Variants in MYH14 observed in about 807,000 individuals in gnomAD.
MYH14 encodes the protein myosin-14.
A neutral mutation model predicts 255.5 loss-of-function variants in MYH14; 123 were observed. The observed-to-expected ratio is 0.48, with a 90% CI of 0.42 to 0.56. MYH14 has a LOEUF of 0.56. Ranked by LOEUF, MYH14 falls within the 20% of genes least tolerant of loss-of-function variation. The pLI, the probability that MYH14 is intolerant of heterozygous loss-of-function variation, is 0.00. For synonymous variants in MYH14, 1,095 were observed against 1,161.2 expected (o/e 0.94, Z 1.16); for missense variants, 2,423 against 2,802.3 (o/e 0.86, Z 3.06).
chr19:50,207,481 G>C (rs935400944), intron 1 of MYH14, among the ~76,000 whole-genome samples: 25 of 152,138 alleles, frequency 1.6e-4, no homozygotes, highest in Non-Finnish European at 2.5e-4. Context: ...GGTTGCCTCC[G>C]AGATAGCTGG....
chr19:50,248,742 G>A (rs1424365176), intron 12 of MYH14, among the ~76,000 whole-genome samples: 3 of 152,234 alleles, frequency 2.0e-5, no homozygotes, highest in African/African-American at 7.2e-5. Flanking sequence ...AAACTGCTTT[G>A]AGGGGGTGAG....
intron 4 of MYH14, 33 bp from the exon 5 acceptor site, chr19:50,223,214 C>A: frequency 6.2e-7 from 1 of 1,609,948 alleles, no homozygotes; most frequent in South Asian, 1.1e-5. Flanking sequence ...AGGTCATTGC[C>A]AACCCCTTTG....
chr19:50,223,028 G>A, intron 3 of MYH14, 55 bp from the exon 4 acceptor site: 1 of 1,554,672 alleles, frequency 6.4e-7, no homozygotes, highest in Non-Finnish European at 8.9e-7. Flanking sequence ...AGGGACCAGA[G>A]GGCCCTGCTA....
intron 34 of MYH14, 48 bp downstream of exon 34, chr19:50,286,742 C>A: frequency 6.8e-7 from 1 of 1,476,948 alleles, no homozygotes; most frequent in South Asian, 1.2e-5. Context: ...AGGGGAGACA[C>A]GTACATGCAT....
In MYH14 at chr19:50,210,766, T is replaced by C. The variant is rs373972497; in HGVS notation, c.401T>C (p.Ile134Thr). The change falls in exon 2 of 43, where the codon ATC becomes ACC. Residue 134 changes from isoleucine to threonine, a missense_variant. This residue lies in a region of MYH14 where 238 missense variants were observed against 245.8 expected (regional missense o/e 0.97). Transcript: ENST00000642316. ...CGGGAGCGGTACTACTCCGGCCTCA[T>C]CTACGTGAGTGGGCTCCTGCTGGGG... is the stretch of plus-strand genomic sequence containing the variant. ...NLRERYYSGL[I>T]YTYSGLFCVV... 4 of 1,568,228 alleles carry C rather than the reference T, an allele frequency of 2.6e-6. No individual in the cohort carries two copies. The South Asian group carries it at 3.5e-5, about 14-fold the overall frequency.
At chr19:50,296,812 T>C (rs1244348170) in intron 39 of MYH14, among the ~76,000 whole-genome samples, 1 of 152,216 alleles carries the variant, frequency 6.6e-6, no homozygotes, top group Non-Finnish European at 1.5e-5. Flanking sequence ...AAGTTGAGCT[T>C]CAATGAGGAA....
In MYH14 at chr19:50,257,473, A is replaced by G. The variant is rs555236417; in HGVS notation, c.2219A>G (p.Asn740Ser). 2 of 1,602,806 alleles carry G rather than the reference A, an allele frequency of 1.2e-6. No homozygotes were observed. Among genetic ancestry groups the G allele is most frequent in the Non-Finnish European group, 1.7e-6 (2 of 1,174,346 alleles). Reference sequence around the variant, plus strand: ...AGTTTTGTCCGCTGCATTGTCCCCAACCACGAGAAGAGGGTGAGTGACTCA... The same window carrying G: ...AGTTTTGTCCGCTGCATTGTCCCCAGCCACGAGAAGAGGGTGAGTGACTCA... ...NPSFVRCIVPNHEKRAGKLEP... is the reference protein window; with the variant it reads ...NPSFVRCIVPSHEKRAGKLEP... Residue 740 changes from asparagine (N) to serine (S), a missense_variant, in exon 18 of 43, where the codon AAC becomes AGC. By Grantham distance (46) the Asn-to-Ser change is conservative (BLOSUM62 1). Around this residue, in one of 3 missense-constraint regions of MYH14, gnomAD observed 672 missense variants for 881.8 expected, o/e 0.76. Transcript: ENST00000642316.
At chr19:50,259,002 C>T in intron 18 of MYH14, 142 bp from the exon 19 acceptor site, 1 of 1,152,128 alleles carries the variant, frequency 8.7e-7, no homozygotes, top group Non-Finnish European at 1.2e-6. Flanking sequence ...GCATTGCTGT[C>T]TTCCCAGGGC....
In MYH14 at chr19:50,293,702, C is replaced by T; in HGVS notation, c.5469+15C>T. On this transcript the variant is annotated intron_variant, in intron 39 of 42. Coordinates refer to ENST00000642316, the MANE Select transcript of MYH14 (RefSeq NM_001145809.2). The surrounding 1 kb of genome is among the most constrained non-coding windows in gnomAD (Gnocchi z 4.1). ...TGCTCCTGCAGGTGAGCGTGATTGA[C>T]CGCCCCCACCAGCCTCAGTCCCCAT... The T allele has an allele frequency of 6.5e-7, 1 of 1,549,318 alleles. No homozygotes were observed. The highest frequency in any genetic ancestry group is 8.7e-7 in the Non-Finnish European group (1 of 1,146,860).
rs3745511 is a variant in MYH14, at chr19:50,293,791, G to A, written c.5469+104G>A. 0.055 allele frequency: 70,784 copies of A among 1,294,536 alleles called. 3,052 individuals carry two copies. The highest frequency in any genetic ancestry group is 0.2 in the East Asian group (8,071 of 40,826). The allele number at this position is 1,294,536 out of a possible 1,614,324, so 80.2% of individuals were successfully genotyped here. A position where few individuals can be genotyped will look rare whatever the true frequency, so the allele number is the denominator to read the frequency against. ...AATATAGAAAGGGGATATTTGAGTT[G>A]GGTTTTGAAGGTTGAATAGGAGTTC... On this transcript the variant is annotated intron_variant, in intron 39 of 42. Transcript: ENST00000642316. This position sits in a 1 kb window ranked among gnomAD's most constrained non-coding sequence, Gnocchi z 4.1.
At chr19:50,306,142 G>A (rs1015857148) in intron 40 of MYH14, among the ~76,000 whole-genome samples, 7 of 152,184 alleles carry the variant, frequency 4.6e-5, no homozygotes, top group African/African-American at 1.7e-4. Context: ...GCCAGGTGTG[G>A]TGGCACATGC....
intron 41 of MYH14, among the ~76,000 whole-genome samples, chr19:50,307,798 A>G (rs188350253): frequency 6.6e-6 from 1 of 152,348 alleles, no homozygotes; most frequent in East Asian, 1.9e-4. Context: ...AGTCACAGAG[A>G]TAGAGCCTGG....
At chr19:50,216,868 C>T (rs1443697508) in intron 2 of MYH14, among the ~76,000 whole-genome samples, 4 of 134,088 alleles carry the variant, frequency 3.0e-5, no homozygotes, top group South Asian at 4.8e-4. Flanking sequence ...AGTGCAGTGG[C>T]GCAATCTTGG....
intron 22 of MYH14, among the ~76,000 whole-genome samples, chr19:50,264,905 G>A (rs1406085208): frequency 2.0e-5 from 3 of 152,168 alleles, no homozygotes; most frequent in African/African-American, 7.2e-5. Context: ...TCCCCCAGGG[G>A]GAAATTGGAA....
chr19:50,281,301 C>G (rs2035708015), intron 32 of MYH14, among the ~76,000 whole-genome samples: 1 of 152,222 alleles, frequency 6.6e-6, no homozygotes, highest in South Asian at 2.1e-4. Context: ...ACCTTAACCC[C>G]TATCACCCTG....
chr19:50,221,570 G>A lies in MYH14; in HGVS notation c.563-1513G>A, dbSNP rs1238893449. 6.6e-6 allele frequency among the ~76,000 whole-genome samples: 1 copy of A among 152,114 alleles called. No homozygotes were observed. Among genetic ancestry groups the A allele is most frequent in the East Asian group, 1.9e-4 (1 of 5,198 alleles). ...TGGCTCACTGCAACCTCCGCCTCCC[G>A]GGTTCAAGTGATTCTTCTGCCTCAG... On this transcript the variant is annotated intron_variant, in intron 3 of 42. Coordinates refer to ENST00000642316, the MANE Select transcript of MYH14 (RefSeq NM_001145809.2). The surrounding 1 kb of genome is among the most constrained non-coding windows in gnomAD (Gnocchi z 5.3).
intron 10 of MYH14, among the ~76,000 whole-genome samples, chr19:50,235,390 TCCAGCTGGCCCC>T (rs1360995646): frequency 5.0e-5 from 2 of 39,648 alleles, no homozygotes; most frequent in East Asian, 1.5e-3. Context: ...TGTTGGTTGC[TCCAGCTGGCCCC>T]CCAGCTCCCT....
At chr19:50,207,271 C>CAGAGAGAGAGAGAG (rs764396652) in intron 1 of MYH14, among the ~76,000 whole-genome samples, 3,633 of 76,738 alleles carry the variant, frequency 0.047, 689 homozygotes, top group South Asian at 0.058. Context: ...GAGAGAGAGA[C>CAGAGAGAGAGAGAG]AGAGAGAGAG....
intron 2 of MYH14, among the ~76,000 whole-genome samples, chr19:50,212,489 T>A (rs1448354992): frequency 2.0e-5 from 3 of 152,186 alleles, no homozygotes; most frequent in Non-Finnish European, 4.4e-5. Context: ...ACTGCTGATA[T>A]CACCTGATGT....
Sources: allele counts gnomAD v4.1 joint callset (sites outside exome capture counted in the v4.1 genomes callset), GRCh38; gene constraint gnomAD v4.1.1; regional missense constraint gnomAD v4.1.1; non-coding constraint Gnocchi (gnomAD v3.1); transcripts MANE v1.5; gene names NCBI Gene and HGNC (gene_info 2026-07-23, HGNC 2026-07-21).